The following ZNF275 variants were observed in gnomAD, a reference collection of about 807,000 sequenced individuals.
ZNF275 encodes the protein zinc finger protein 275.
Under a neutral mutation model 4.3 loss-of-function variants are expected in ZNF275, and 4 were observed. The observed-to-expected ratio is 0.93, with a 90% CI of 0.46 to 2.13. The LOEUF is 2.13. Among genes scored for constraint, ZNF275 ranks in the 30% most tolerant of loss-of-function variants. ZNF275 has a pLI of 0.02. For missense variants in ZNF275, 352 were observed against 397.1 expected (o/e 0.89, Z 0.97); for synonymous variants, 173 against 166.9 (o/e 1.04, Z -0.28).
At chrX:153,335,463 C>T (rs1264235948) in intron 1 of ZNF275, 1 of 106,197 alleles carries the variant, frequency 9.4e-6, no homozygotes, top group Non-Finnish European at 2.0e-5. Context: ...GCCACTTGCA[C>T]AGTATCTGGC....
In ZNF275 at chrX:153,348,832, GTCTTT is replaced by G. The variant is rs1556962004; in HGVS notation, c.*864_*868del. 5 of 123,539 alleles carry G rather than the reference GTCTTT, an allele frequency of 4.0e-5. No individual in the cohort carries two copies. Among genetic ancestry groups the G allele is most frequent in the Admixed American group, 1.9e-4 (2 of 10,647 alleles). The allele number at this position is 123,539 out of a possible 1,213,427, so 10.2% of individuals were successfully genotyped here. The stretch of plus-strand genomic sequence containing the variant: ...ATACTTTTTCAAACAACCTTTAAAC[GTCTTT>G]TCTTTTAAAGCACCCAAAATGTCAT... On this transcript the variant is annotated 3_prime_UTR_variant, in exon 4 of 4. Coordinates refer to ENST00000650114, the MANE Select transcript of ZNF275 (RefSeq NM_001367757.1).
intron 1 of ZNF275, among the ~76,000 whole-genome samples, chrX:153,336,383 G>A (rs1438777095): frequency 8.8e-6 from 1 of 113,051 alleles, no homozygotes; most frequent in Non-Finnish European, 1.9e-5. Context: ...ATGGGCCCAC[G>A]TGGGGCCTTC....
At chrX:153,344,661 A>C (rs2088500483) in intron 2 of ZNF275, 1 of 374,295 alleles carries the variant, frequency 2.7e-6, no homozygotes. Context: ...AGCCCTGGGA[A>C]TTCTTTCAGG....
chrX:153,336,194 T>G (rs2088444712), intron 1 of ZNF275, among the ~76,000 whole-genome samples: 1 of 112,364 alleles, frequency 8.9e-6, no homozygotes, highest in Non-Finnish European at 1.9e-5. Flanking sequence ...AAGAGACAGG[T>G]GCCCAGGCAA....
intron 2 of ZNF275, among the ~76,000 whole-genome samples, chrX:153,341,416 A>G (rs944257509): frequency 2.7e-5 from 3 of 112,740 alleles, no homozygotes; most frequent in Admixed American, 9.4e-5. Context: ...TTCTGATGTT[A>G]TAAACCCCAC....
intron 2 of ZNF275, among the ~76,000 whole-genome samples, chrX:153,337,203 G>A (rs1413623020): frequency 4.5e-5 from 5 of 111,526 alleles, no homozygotes; most frequent in African/African-American, 1.3e-4. Context: ...CCTTATTTGG[G>A]TGGTCTTGCT....
chrX:153,346,198 G>A (rs1391896257), intron 3 of ZNF275, among the ~76,000 whole-genome samples: 1 of 109,185 alleles, frequency 9.2e-6, no homozygotes, highest in Non-Finnish European at 1.9e-5. Context: ...GTTGAAGTTA[G>A]GGTTGGGGGG....
intron 2 of ZNF275, among the ~76,000 whole-genome samples, chrX:153,341,369 T>C (rs1186170565): frequency 8.9e-6 from 1 of 112,692 alleles, no homozygotes; most frequent in Non-Finnish European, 1.9e-5. Context: ...ATCAGAGTCT[T>C]GGAGGACTTG....
intron 2 of ZNF275, chrX:153,343,431 A>G (rs782508882): frequency 5.7e-6 from 2 of 353,423 alleles, no homozygotes; most frequent in South Asian, 5.1e-5. Context: ...AATCTTTCAC[A>G]TATTTTGCAA....
In ZNF275 at chrX:153,347,526, G is replaced by A; in HGVS notation, c.841G>A (p.Ala281Thr). 8.4e-7 allele frequency: 1 copy of A among 1,192,455 alleles called. No homozygotes were observed. The highest frequency in any genetic ancestry group is 1.1e-6 in the Non-Finnish European group (1 of 886,258). The change falls in exon 4 of 4, where the codon GCC becomes ACC. Residue 281 changes from alanine to threonine, a missense_variant. Coordinates refer to ENST00000650114, the MANE Select transcript of ZNF275 (RefSeq NM_001367757.1). The stretch of plus-strand genomic sequence containing the variant: ...GTCCTTCCGAGGGGTCAACGGGCTG[G>A]CCGAGCACCAGCGCATCCACAGTGG... ...GKSFRGVNGL[A>T]EHQRIHSGAK... is the part of the protein sequence containing the mutation.
rs191545520 is a variant in ZNF275 at position 153,343,414 on chromosome X, G to C, written c.32-2106G>C. 7.9e-4 allele frequency: 280 copies of C among 353,968 alleles called. 2 individuals carry two copies. In the East Asian group the frequency reaches 0.019, roughly 24 times the overall value. The allele number at this position is 353,968 out of a possible 1,213,427, so 29.2% of individuals were successfully genotyped here. A position where few individuals can be genotyped will look rare whatever the true frequency, so the allele number is the denominator to read the frequency against. On this transcript the variant is annotated intron_variant, in intron 2 of 3. Transcript: ENST00000650114. ...GGAGGCCTGTGATGCACGGATGCCG[G>C]TGGTTGAATCTTTCACATATTTTGC...
rs1442757888 is a variant in ZNF275 at position 153,352,173 on chromosome X, A to G, written c.*4198A>G. On this transcript the variant is annotated 3_prime_UTR_variant, in exon 4 of 4. Coordinates refer to ENST00000650114, the MANE Select transcript of ZNF275 (RefSeq NM_001367757.1). Reference sequence around the variant, plus strand: ...TCTTGGATTTCTGGCAGCAGCCCTCATTGGTCCACGTGCGTCCCCACTACA... The same window carrying G: ...TCTTGGATTTCTGGCAGCAGCCCTCGTTGGTCCACGTGCGTCCCCACTACA... The G allele has an allele frequency of 9.0e-6, 1 of 111,617 alleles. No individual in the cohort carries two copies. Among genetic ancestry groups the G allele is most frequent in the African/African-American group, 3.3e-5 (1 of 30,662 alleles). The allele number at this position is 111,617 out of a possible 1,213,427, so 9.2% of individuals were successfully genotyped here.
Position 153,349,572 on chromosome X carries a change from C to T in ZNF275, c.*1597C>T, listed in dbSNP as rs191734703. Reference sequence around the variant, plus strand: ...TTTGCTTTTTGTAGCAGTTTTATTACGTTTTTGTTGTGAAAGCTTTTAATT... The same window carrying T: ...TTTGCTTTTTGTAGCAGTTTTATTATGTTTTTGTTGTGAAAGCTTTTAATT... On this transcript the variant is annotated 3_prime_UTR_variant, in exon 4 of 4. Coordinates refer to ENST00000650114, the MANE Select transcript of ZNF275 (RefSeq NM_001367757.1). 6.5e-5 allele frequency: 8 copies of T among 123,732 alleles called. No individual in the cohort carries two copies. The highest frequency in any genetic ancestry group is 7.3e-4 in the South Asian group (2 of 2,733). 10.2% of individuals were successfully genotyped at this position (123,732 alleles called of 1,213,427 possible). A position where few individuals can be genotyped will look rare whatever the true frequency, so the allele number is the denominator to read the frequency against.
chrX:153,344,934 C>T (rs868912485), intron 2 of ZNF275: 5 of 234,354 alleles, frequency 2.1e-5, no homozygotes, highest in African/African-American at 1.1e-4. Context: ...ATGAGCTCCC[C>T]CAACTCCTCT....
At chrX:153,345,129 T>C (rs2088504365) in intron 2 of ZNF275, 2 of 197,496 alleles carry the variant, frequency 1.0e-5, no homozygotes, top group Admixed American at 1.2e-4. Context: ...GGGGTCTGCA[T>C]GTGTGCAGTG....
At position 153,344,314 on chromosome X, in the gene ZNF275, T is replaced by C. The variant is rs535266277; in HGVS notation, c.32-1206T>C. 24 of 268,344 alleles carry C rather than the reference T, an allele frequency of 8.9e-5. 1 individual carries two copies. The highest frequency in any genetic ancestry group is 5.2e-4 in the South Asian group (15 of 28,710). 22.1% of individuals were successfully genotyped at this position (268,344 alleles called of 1,213,427 possible). A position where few individuals can be genotyped will look rare whatever the true frequency, so the allele number is the denominator to read the frequency against. On this transcript the variant is annotated intron_variant, in intron 2 of 3. Coordinates refer to ENST00000650114, the MANE Select transcript of ZNF275 (RefSeq NM_001367757.1). ...CCCCAGCATGACACACGGCAGAGTA[T>C]GAACCCCAGCTGCTGCCTTCCTACC...
At chrX:153,341,745 A>G (rs782408760) in intron 2 of ZNF275, among the ~76,000 whole-genome samples, 6 of 112,526 alleles carry the variant, frequency 5.3e-5, no homozygotes, top group African/African-American at 1.9e-4. Flanking sequence ...TTTTTCTTTT[A>G]GCACTTTAAA....
At chrX:153,336,447 T>A (rs1351898892) in intron 1 of ZNF275, among the ~76,000 whole-genome samples, 187 bp from the exon 2 acceptor site, 3 of 112,893 alleles carry the variant, frequency 2.7e-5, no homozygotes, top group Non-Finnish European at 3.8e-5. Flanking sequence ...AGGCTCAGCG[T>A]GGCCCAGGGC....
At chrX:153,342,996 G>A (rs1255501337) in intron 2 of ZNF275, among the ~76,000 whole-genome samples, 2 of 112,620 alleles carry the variant, frequency 1.8e-5, no homozygotes, top group Non-Finnish European at 1.9e-5. Context: ...ACACAGTCTC[G>A]ATCTGGAAAT....
Sources: allele counts gnomAD v4.1 joint callset (sites outside exome capture counted in the v4.1 genomes callset), GRCh38; gene constraint gnomAD v4.1.1; transcripts MANE v1.5; gene names NCBI Gene and HGNC (gene_info 2026-07-23, HGNC 2026-07-21).